FNTB: variants seen among roughly 807,000 people sequenced by gnomAD.
The protein encoded by FNTB is protein farnesyltransferase subunit beta.
Under a neutral mutation model 59.4 loss-of-function variants are expected in FNTB, and 27 were observed. That is an observed-to-expected ratio of 0.45 (90% CI 0.34 to 0.63). The LOEUF is 0.63. Among genes scored for constraint, FNTB ranks in the 20% least tolerant of loss-of-function variants. FNTB has a pLI of 0.02. For missense variants in FNTB, 449 were observed against 559.6 expected, an observed-to-expected ratio of 0.80 and a Z score of 1.99; for synonymous variants, 230 against 220.7, an observed-to-expected ratio of 1.04 and a Z score of -0.37.
intron 1 of FNTB, among the ~76,000 whole-genome samples, chr14:64,988,157 A>G (rs529107682): frequency 6.6e-6 from 1 of 152,372 alleles, no homozygotes; most frequent in Non-Finnish European, 1.5e-5. Flanking sequence ...CAAGGGCTTG[A>G]TACGTGGTTA....
At chr14:65,038,769 C>G (rs1014177220) in intron 7 of FNTB, among the ~76,000 whole-genome samples, 1 of 152,132 alleles carries the variant, frequency 6.6e-6, no homozygotes, top group African/African-American at 2.4e-5. Context: ...TCGTTTCCAT[C>G]TCTTAATCCT....
At position 65,029,399 on chromosome 14, in the gene FNTB, G is replaced by A. The variant is rs959426468; in HGVS notation, c.605+1618G>A. 6.6e-6 allele frequency among the ~76,000 whole-genome samples: 1 copy of A among 152,216 alleles called. No homozygotes were observed. Among genetic ancestry groups the A allele is most frequent in the South Asian group, 2.1e-4 (1 of 4,832 alleles). ...GGGAGAGTTTGACATCTGGAGACTA[G>A]CTCGCTGCCCTTCTGGGATAGACAG... is the stretch of plus-strand genomic sequence containing the variant. On this transcript the variant is annotated intron_variant, in intron 6 of 11. Transcript: ENST00000246166. The surrounding 1 kb of genome is among the most constrained non-coding windows in gnomAD (Gnocchi z 4.7).
At chr14:65,052,915 A>G (rs1473153762) in intron 9 of FNTB, among the ~76,000 whole-genome samples, 1 of 152,236 alleles carries the variant, frequency 6.6e-6, no homozygotes, top group Non-Finnish European at 1.5e-5. Flanking sequence ...TACCGAGGTC[A>G]GTCTGGGAAG....
intron 1 of FNTB, among the ~76,000 whole-genome samples, chr14:64,988,869 T>C (rs554049812): frequency 6.6e-6 from 1 of 152,330 alleles, no homozygotes; most frequent in East Asian, 1.9e-4. Flanking sequence ...TAATGTTGTA[T>C]CTCATTTTTG....
At chr14:65,053,791 A>G (rs932792991) in intron 10 of FNTB, among the ~76,000 whole-genome samples, 4 of 152,086 alleles carry the variant, frequency 2.6e-5, no homozygotes, top group Admixed American at 6.6e-5. Flanking sequence ...GAAATAAAAT[A>G]AGTCCTCTCA....
chr14:65,030,652 T>G lies in FNTB; in HGVS notation c.606-1958T>G, dbSNP rs2062062630. Among the ~76,000 whole-genome samples the G allele has an allele frequency of 6.6e-6, 1 of 151,712 alleles. No individual in the cohort carries two copies. The highest frequency in any genetic ancestry group is 2.1e-4 in the South Asian group (1 of 4,808). Reference sequence around the variant, plus strand: ...AGCTGCTTAGGAGGCTGAGGCAAGATCAGTTTGAGCCCAGGAGTTTGAGGT... The same window carrying G: ...AGCTGCTTAGGAGGCTGAGGCAAGAGCAGTTTGAGCCCAGGAGTTTGAGGT... On this transcript the variant is annotated intron_variant, in intron 6 of 11. Transcript: ENST00000246166. The surrounding 1 kb of genome is among the most constrained non-coding windows in gnomAD (Gnocchi z 4.5).
intron 11 of FNTB, among the ~76,000 whole-genome samples, chr14:65,058,765 C>T (rs2062799086): frequency 2.0e-5 from 3 of 152,164 alleles, no homozygotes; most frequent in African/African-American, 4.8e-5. Context: ...TGATGTTAAG[C>T]CTTATATTCC....
chr14:65,019,244 T>C (rs1435014426), intron 4 of FNTB, among the ~76,000 whole-genome samples: 2 of 152,112 alleles, frequency 1.3e-5, no homozygotes, highest in African/African-American at 4.8e-5. Flanking sequence ...CCCAGGACTT[T>C]GAGAGGCTGA....
chr14:65,004,211 A>G lies in FNTB; in HGVS notation c.145-38A>G, dbSNP rs746426903. On this transcript the variant is annotated intron_variant, in intron 1 of 11. Transcript: ENST00000246166. ...AAAAGCTGATGGAGGTCTCATCTGT[A>G]TTTGTTTTCTCTCTCCTATCTCCTG... is the stretch of plus-strand genomic sequence containing the variant. 1.9e-6 allele frequency: 3 copies of G among 1,604,564 alleles called. No homozygotes were observed. The South Asian group carries it at 3.3e-5, about 18-fold the overall frequency.
At chr14:65,041,668 C>CTGT (rs1191411906) in intron 8 of FNTB, among the ~76,000 whole-genome samples, 1 of 152,216 alleles carries the variant, frequency 6.6e-6, no homozygotes, top group East Asian at 1.9e-4. Flanking sequence ...TGGAGAGTTT[C>CTGT]TGTTGTACCC....
At position 65,011,175 on chromosome 14, in the gene FNTB, T is replaced by G. The variant is rs1171203043; in HGVS notation, c.210-1142T>G. ...TGGGTGCGGTGGCTCACGCCTGTAA[T>G]CCCAGCATTTTGGGAGGCCAAGGCA... On this transcript the variant is annotated intron_variant, in intron 2 of 11. Transcript: ENST00000246166. This position sits in a 1 kb window ranked among gnomAD's most constrained non-coding sequence, Gnocchi z 4.0. Among the ~76,000 whole-genome samples, 3 of 152,188 alleles carry G rather than the reference T, an allele frequency of 2.0e-5. No individual in the cohort carries two copies. The highest frequency in any genetic ancestry group is 2.9e-5 in the Non-Finnish European group (2 of 68,030).
At chr14:65,005,483 TTC>T (rs1221681307) in intron 2 of FNTB, among the ~76,000 whole-genome samples, 6 of 137,024 alleles carry the variant, frequency 4.4e-5, no homozygotes, top group African/African-American at 1.8e-4. Flanking sequence ...CTTTCTTTCT[TTC>T]TTTCTTTCTT....
chr14:64,992,510 T>C (rs1351037870), intron 1 of FNTB, among the ~76,000 whole-genome samples: 1 of 152,250 alleles, frequency 6.6e-6, no homozygotes, highest in East Asian at 1.9e-4. Flanking sequence ...AGTCAGCCAA[T>C]GTGGATTTCC....
intron 11 of FNTB, among the ~76,000 whole-genome samples, chr14:65,059,622 C>T (rs1385511553): frequency 6.6e-6 from 1 of 152,024 alleles, no homozygotes; most frequent in Non-Finnish European, 1.5e-5. Context: ...TTTAAAATCT[C>T]TCCTGCAGTT....
At chr14:65,033,551 A>G (rs1437879688) in intron 7 of FNTB, among the ~76,000 whole-genome samples, 1 of 152,184 alleles carries the variant, frequency 6.6e-6, no homozygotes, top group Non-Finnish European at 1.5e-5. Context: ...GGATGCTCCA[A>G]ATATTTCATA....
At position 65,060,471 on chromosome 14, in the gene FNTB, C is replaced by T. The variant is rs866205918; in HGVS notation, c.1183-710C>T. Among the ~76,000 whole-genome samples the T allele has an allele frequency of 1.0e-4, 13 of 129,198 alleles. 3 individuals are homozygous for T. The highest frequency in any genetic ancestry group is 3.8e-4 in the African/African-American group (9 of 23,914). 84.8% of individuals were successfully genotyped at this position (129,198 alleles called of 152,430 possible). A position where few individuals can be genotyped will look rare whatever the true frequency, so the allele number is the denominator to read the frequency against. On this transcript the variant is annotated intron_variant, in intron 11 of 11. Transcript: ENST00000246166. ...CAGCACTTTGGGAGGCCGAGGCGGG[C>T]GGATCACGAGGTCAGGAGATCGAGA...
intron 3 of FNTB, among the ~76,000 whole-genome samples, chr14:65,015,141 C>T (rs555145149): frequency 1.1e-3 from 161 of 149,226 alleles, no homozygotes; most frequent in African/African-American, 3.5e-3. Context: ...CTTGCTCTGT[C>T]GCCTAGGCTG....
At chr14:65,006,402 T>C in intron 2 of FNTB, 2 of 1,453,960 alleles carry the variant, frequency 1.4e-6, no homozygotes, top group Non-Finnish European at 1.9e-6. Context: ...TTATTCCTCT[T>C]GTCATGAGAT....
chr14:65,058,911 TAAGA>T (rs888422252), intron 11 of FNTB, among the ~76,000 whole-genome samples: 10 of 152,224 alleles, frequency 6.6e-5, no homozygotes, highest in African/African-American at 2.2e-4. Flanking sequence ...TGTACATTCA[TAAGA>T]AAGATTGATC....
Sources: gnomAD v4.1 joint callset for allele counts (sites outside exome capture counted in the v4.1 genomes callset) on GRCh38, gnomAD v4.1.1 for gene constraint, Gnocchi (gnomAD v3.1) non-coding constraint, MANE v1.5 for transcripts, NCBI Gene and HGNC (gene_info 2026-07-23, HGNC 2026-07-21) for gene names.